Variants in OPRD1 observed in about 807,000 individuals in gnomAD.
OPRD1 encodes opioid receptor delta 1.
Under a neutral mutation model 17.5 loss-of-function variants are expected in OPRD1, and 19 were observed. The ratio of observed to expected loss-of-function variants is 1.09; its 90% CI spans 0.76 to 1.60. The LOEUF (loss-of-function observed/expected upper bound fraction) is 1.60, where lower values mean the gene tolerates loss of function less well. Ranked by LOEUF, OPRD1 falls within the 40% of genes most tolerant of loss-of-function variation. The pLI, the probability that OPRD1 is intolerant of heterozygous loss-of-function variation, is 0.00. For missense variants in OPRD1, 483 were observed against 547.2 expected, an observed-to-expected ratio of 0.88 and a Z score of 1.17; for synonymous variants, 256 against 240.9, an observed-to-expected ratio of 1.06 and a Z score of -0.58.
intron 2 of OPRD1, 130 bp from the exon 3 acceptor site, chr1:28,862,612 C>G: frequency 1.3e-6 from 1 of 794,672 alleles, no homozygotes; most frequent in Non-Finnish European, 2.0e-6. Context: ...ACAGAAGAAT[C>G]CCCTTGAACA....
intron 1 of OPRD1, among the ~76,000 whole-genome samples, chr1:28,824,689 T>G (rs912889025): frequency 1.6e-4 from 24 of 152,198 alleles, no homozygotes; most frequent in Middle Eastern, 6.8e-3. Flanking sequence ...ATTATCCCAT[T>G]TAATTTTTGC....
At chr1:28,826,829 T>C (rs1431414812) in intron 1 of OPRD1, among the ~76,000 whole-genome samples, 1 of 152,236 alleles carries the variant, frequency 6.6e-6, no homozygotes, top group Non-Finnish European at 1.5e-5. Context: ...CTCTGTAGCA[T>C]GCGATGCTGT....
In OPRD1 at chr1:28,859,071, C is replaced by T; in HGVS notation, c.345C>T (p.Pro115=). ...QSAKYLMETW[P]FGELLCKAVL... ...CCAAGTACCTGATGGAGACGTGGCCCTTCGGCGAGCTGCTCTGCAAGGCTG... is the reference window on the plus strand; with the variant it reads ...CCAAGTACCTGATGGAGACGTGGCCTTTCGGCGAGCTGCTCTGCAAGGCTG... Residue 115 remains proline, a synonymous_variant, in exon 2 of 3, where the codon CCC becomes CCT. Coordinates refer to ENST00000234961, the MANE Select transcript of OPRD1 (RefSeq NM_000911.4). The T allele has an allele frequency of 1.9e-6, 3 of 1,614,244 alleles. No homozygotes were observed. Among genetic ancestry groups the T allele is most frequent in the Non-Finnish European group, 8.5e-7 (1 of 1,180,044 alleles).
At chr1:28,842,218 C>T (rs909571508) in intron 1 of OPRD1, among the ~76,000 whole-genome samples, 10 of 151,982 alleles carry the variant, frequency 6.6e-5, no homozygotes, top group Non-Finnish European at 7.4e-5. Flanking sequence ...TTAGTAGAGA[C>T]GGGGGTTCGC....
chr1:28,843,807 T>TGG, intron 1 of OPRD1, among the ~76,000 whole-genome samples: 1 of 152,144 alleles, frequency 6.6e-6, no homozygotes, highest in South Asian at 2.1e-4. Flanking sequence ...TTTGTAAAAC[T>TGG]GGCTTTGCCA....
intron 1 of OPRD1, among the ~76,000 whole-genome samples, chr1:28,820,175 G>A (rs1335130170): frequency 1.3e-5 from 2 of 151,472 alleles, no homozygotes; most frequent in Non-Finnish European, 2.9e-5. Flanking sequence ...GACATTTATC[G>A]AGCCTCAGAG....
At chr1:28,859,508 CA>C (rs1441472560) in intron 2 of OPRD1, among the ~76,000 whole-genome samples, 1 of 152,114 alleles carries the variant, frequency 6.6e-6, no homozygotes, top group African/African-American at 2.4e-5. Flanking sequence ...AATAGCTGGC[CA>C]GGGGGGCATG....
At chr1:28,814,409 G>A (rs970204068) in intron 1 of OPRD1, among the ~76,000 whole-genome samples, 2 of 152,156 alleles carry the variant, frequency 1.3e-5, no homozygotes, top group Non-Finnish European at 2.9e-5. Flanking sequence ...ATAGCGAGGC[G>A]GAGGGATTTT....
intron 1 of OPRD1, among the ~76,000 whole-genome samples, chr1:28,851,391 C>G (rs2089001185): frequency 6.6e-6 from 1 of 152,208 alleles, no homozygotes; most frequent in Non-Finnish European, 1.5e-5. Context: ...CATTTTCAGA[C>G]AAGCAAGGGT....
At chr1:28,858,909 G>A (rs765180888) in intron 1 of OPRD1, 45 bp from the exon 2 acceptor site, 2 of 1,548,356 alleles carry the variant, frequency 1.3e-6, no homozygotes, top group Non-Finnish European at 1.8e-6. Context: ...ATGTGAAACT[G>A]AAATCTGTGA....
intron 1 of OPRD1, among the ~76,000 whole-genome samples, chr1:28,826,525 T>TA (rs969318883): frequency 2.3e-4 from 34 of 147,958 alleles, no homozygotes; most frequent in African/African-American, 6.7e-4. Context: ...CAAAAAAAAA[T>TA]AAAAAAAAAA....
rs140409442 is a variant in OPRD1, at chr1:28,854,851, C to T, written c.228-4103C>T. Among the ~76,000 whole-genome samples, 1,195 of 151,904 alleles carry T rather than the reference C, an allele frequency of 7.9e-3. 9 individuals are homozygous for T. The highest frequency in any genetic ancestry group is 0.027 in the African/African-American group (1,123 of 41,400). ...TATTTTAGTAGAGACGGGGTTTCAC[C>T]GTGTTAGTCAGGCTGGTCTCGAACT... is the stretch of plus-strand genomic sequence containing the variant. On this transcript the variant is annotated intron_variant, in intron 1 of 2. Transcript: ENST00000234961.
rs2088955522 is a variant in OPRD1 at position 28,846,883 on chromosome 1, T to TTTCC, written c.228-12068_228-12067insCTTC. Among the ~76,000 whole-genome samples, 3 of 56,434 alleles carry TTTCC rather than the reference T, an allele frequency of 5.3e-5. No individual in the cohort carries two copies. The Admixed American group carries it at 6.4e-4, about 12-fold the overall frequency. 37.0% of individuals were successfully genotyped at this position (56,434 alleles called of 152,430 possible). ...CTTTCTTTCTTTCTTTCTTTCTTTCTTTCTTTCTTTTCTCTTTCTTTCTTT... is the reference window on the plus strand; with the variant it reads ...CTTTCTTTCTTTCTTTCTTTCTTTCTTTCCTTCTTTCTTTTCTCTTTCTTTCTTT... On this transcript the variant is annotated intron_variant, in intron 1 of 2. Transcript: ENST00000234961.
Position 28,812,505 on chromosome 1 carries a change from G to C in OPRD1, c.122G>C (p.Arg41Pro). ...AATGCGTCGGGGCCGCCAGGCGCGCGGAGCGCCTCGTCCCTCGCCCTGGCA... is the reference window on the plus strand; with the variant it reads ...AATGCGTCGGGGCCGCCAGGCGCGCCGAGCGCCTCGTCCCTCGCCCTGGCA... Reference protein sequence around the residue: ...GANASGPPGARSASSLALAIA... With the variant: ...GANASGPPGAPSASSLALAIA... The change falls in exon 1 of 3, where the codon CGG becomes CCG. Residue 41 changes from arginine (R) to proline (P), a missense_variant. Arg to Pro is a moderately radical substitution (Grantham distance 103). Transcript: ENST00000234961. 6.4e-7 allele frequency: 1 copy of C among 1,566,096 alleles called. No homozygotes were observed. The highest frequency in any genetic ancestry group is 1.2e-5 in the South Asian group (1 of 86,116).
intron 1 of OPRD1, among the ~76,000 whole-genome samples, chr1:28,846,923 CTTTTT>C: frequency 7.3e-6 from 1 of 137,326 alleles, no homozygotes; most frequent in East Asian, 2.0e-4. Context: ...TTCTTTCTTT[CTTTTT>C]CTTCCTTCCT....
chr1:28,831,739 T>C (rs1557571763), intron 1 of OPRD1, among the ~76,000 whole-genome samples: 1 of 152,118 alleles, frequency 6.6e-6, no homozygotes, highest in Non-Finnish European at 1.5e-5. Flanking sequence ...GGTCTCACTA[T>C]GTTGCCCAGG....
rs1272089198 is a variant in OPRD1 at position 28,869,812 on chromosome 1, C to T, written c.*6529C>T. The T allele has an allele frequency of 1.3e-5, 2 of 152,226 alleles. No homozygotes were observed. Among genetic ancestry groups the T allele is most frequent in the African/African-American group, 4.8e-5 (2 of 41,426 alleles). The allele number at this position is 152,226 out of a possible 1,614,324, so 9.4% of individuals were successfully genotyped here. ...ATTCCCTGTGCTGGGTTCTGTACCT[C>T]ATCATGTTGGCAGCAGAGGCACGTG... On this transcript the variant is annotated 3_prime_UTR_variant, in exon 3 of 3. Coordinates refer to ENST00000234961, the MANE Select transcript of OPRD1 (RefSeq NM_000911.4).
intron 1 of OPRD1, among the ~76,000 whole-genome samples, chr1:28,849,668 G>A (rs1022089354): frequency 1.3e-5 from 2 of 152,166 alleles, no homozygotes; most frequent in African/African-American, 4.8e-5. Context: ...AAGAGAGGAA[G>A]GCTAAAGCAG....
chr1:28,816,743 T>TG (rs962309734), intron 1 of OPRD1, among the ~76,000 whole-genome samples: 12 of 152,092 alleles, frequency 7.9e-5, no homozygotes, highest in Non-Finnish European at 1.6e-4. Context: ...GGGGATGCCC[T>TG]GGTCCTCAGA....
Sources: allele counts gnomAD v4.1 joint callset (sites outside exome capture counted in the v4.1 genomes callset), GRCh38; gene constraint gnomAD v4.1.1; transcripts MANE v1.5; gene names NCBI Gene and HGNC (gene_info 2026-07-23, HGNC 2026-07-21).